The following IL7 variants were observed in gnomAD, a reference collection of about 807,000 sequenced individuals.
IL7 encodes interleukin 7, also known as interleukin-7.
IL7 carries 3 observed loss-of-function variants against 21.6 expected under a neutral mutation model. That is an observed-to-expected ratio of 0.14 (90% CI 0.06 to 0.36). IL7 has a LOEUF of 0.36. Among genes scored for constraint, IL7 ranks in the 10% least tolerant of loss-of-function variants. IL7 has a pLI of 1.00. For synonymous variants in IL7, 62 were observed against 68.1 expected, an observed-to-expected ratio of 0.91 and a Z score of 0.44; for missense variants, 175 against 200.2, an observed-to-expected ratio of 0.87 and a Z score of 0.76.
chr8:78,731,917 A>G (rs1463526370), downstream of IL7, among the ~76,000 whole-genome samples: 1 of 152,124 alleles, frequency 6.6e-6, no homozygotes, highest in Non-Finnish European at 1.5e-5. Flanking sequence ...ATTGACCCTT[A>G]TTTTACCATA....
chr8:78,764,866 G>T (rs1032210681), intron 2 of IL7, among the ~76,000 whole-genome samples: 5 of 152,036 alleles, frequency 3.3e-5, no homozygotes, highest in African/African-American at 1.2e-4. Flanking sequence ...AGACCCAGGA[G>T]AGTAAATTCA....
chr8:78,719,232 G>C (rs1811191566), intron 5 of IL7: 1 of 77,200 alleles, frequency 1.3e-5, no homozygotes, highest in African/African-American at 3.5e-5. Context: ...TTTTTGTCAA[G>C]TATTTTTTTA....
chr8:78,795,200 G>T (rs1032069164), intron 2 of IL7, among the ~76,000 whole-genome samples: 1 of 152,064 alleles, frequency 6.6e-6, no homozygotes, highest in Non-Finnish European at 1.5e-5. Context: ...ATAACTATTA[G>T]TATTATGGTC....
At position 78,704,210 on chromosome 8, in the gene IL7, T is replaced by A. The variant is rs575054750; in HGVS notation, n.214+17138A>T. Among the ~76,000 whole-genome samples, 4 of 151,866 alleles carry A rather than the reference T, an allele frequency of 2.6e-5. No homozygotes were observed. In the South Asian group the frequency reaches 8.3e-4, roughly 32 times the overall value. ...CAGCCTGACCAATGTGGTGAAAGCCTGTCTCTATTTAAAAAAAAAATACAA... is the reference window on the plus strand; with the variant it reads ...CAGCCTGACCAATGTGGTGAAAGCCAGTCTCTATTTAAAAAAAAAATACAA... On this transcript the variant is annotated intron_variant and non_coding_transcript_variant, in intron 3 of 4. Coordinates refer to the IL7 transcript ENST00000523959.
chr8:78,777,618 A>G (rs1813174552), intron 2 of IL7, among the ~76,000 whole-genome samples: 1 of 152,022 alleles, frequency 6.6e-6, no homozygotes, highest in African/African-American at 2.4e-5. Context: ...TTGTATTTTC[A>G]TGTAATAAAA....
intron 1 of IL7, among the ~76,000 whole-genome samples, chr8:78,801,693 A>AT (rs1201858847): frequency 2.0e-5 from 3 of 152,190 alleles, no homozygotes; most frequent in Admixed American, 1.3e-4. Flanking sequence ...TTCAGACTAA[A>AT]TGATCTTTTT....
chr8:78,713,184 G>T (rs1332511642), downstream of IL7, among the ~76,000 whole-genome samples: 1 of 152,092 alleles, frequency 6.6e-6, no homozygotes, highest in Non-Finnish European at 1.5e-5. Context: ...CAGAGTAAGA[G>T]TAATGCTTTG....
chr8:78,692,808 T>C (rs1011786110), intron 3 of IL7, among the ~76,000 whole-genome samples: 7 of 152,134 alleles, frequency 4.6e-5, no homozygotes, highest in Admixed American at 3.9e-4. Flanking sequence ...CGTGTACATA[T>C]GCCATGTTGG....
At chr8:78,804,318 C>A (rs758603106) in intron 1 of IL7, among the ~76,000 whole-genome samples, 44 of 152,208 alleles carry the variant, frequency 2.9e-4, no homozygotes, top group Non-Finnish European at 5.7e-4. Flanking sequence ...GCTGGCCTTC[C>A]TCAGCGCCAG....
At chr8:78,705,903 G>A (rs190785849) in intron 3 of IL7, among the ~76,000 whole-genome samples, 4 of 152,020 alleles carry the variant, frequency 2.6e-5, no homozygotes, top group African/African-American at 7.2e-5. Context: ...TACCACTTTC[G>A]TCCCAGTTGG....
At chr8:78,763,782 A>C (rs1812657980) in intron 2 of IL7, among the ~76,000 whole-genome samples, 1 of 152,212 alleles carries the variant, frequency 6.6e-6, no homozygotes, top group South Asian at 2.1e-4. Context: ...ACTATCTGAC[A>C]GTGTGTGTAA....
chr8:78,804,849 GC>G (rs1814256832), intron 1 of IL7, 63 bp downstream of exon 1: 1 of 1,601,252 alleles, frequency 6.2e-7, no homozygotes, highest in African/African-American at 1.3e-5. Flanking sequence ...GGCCCCCAGC[GC>G]GTCTGGGATT....
intron 3 of IL7, among the ~76,000 whole-genome samples, chr8:78,693,685 C>G (rs1810297845): frequency 6.6e-6 from 1 of 152,096 alleles, no homozygotes. Context: ...TGTAGGTTGC[C>G]TGTTCGCTCT....
intron 2 of IL7, among the ~76,000 whole-genome samples, chr8:78,775,615 A>C (rs1449986588): frequency 1.3e-5 from 2 of 152,130 alleles, no homozygotes; most frequent in Admixed American, 1.3e-4. Context: ...CAAAGGGGCA[A>C]AGTGGGGACT....
chr8:78,757,549 T>C (rs1369967138), intron 2 of IL7, among the ~76,000 whole-genome samples: 1 of 152,102 alleles, frequency 6.6e-6, no homozygotes, highest in Non-Finnish European at 1.5e-5. Flanking sequence ...TAATATTTGC[T>C]TTATATATCT....
At chr8:78,774,822 CT>C (rs1388536035) in intron 2 of IL7, among the ~76,000 whole-genome samples, 1 of 151,982 alleles carries the variant, frequency 6.6e-6, no homozygotes, top group African/African-American at 2.4e-5. Context: ...GTCCTCAGTG[CT>C]TTTTTATGCA....
intron 3 of IL7, among the ~76,000 whole-genome samples, chr8:78,706,444 C>G (rs1270953889): frequency 6.6e-6 from 1 of 152,146 alleles, no homozygotes; most frequent in Non-Finnish European, 1.5e-5. Context: ...ACTGAAGGCT[C>G]TAGTGGAGTG....
chr8:78,765,731 G>T (rs1210128268), intron 2 of IL7, among the ~76,000 whole-genome samples: 1 of 152,100 alleles, frequency 6.6e-6, no homozygotes, highest in African/African-American at 2.4e-5. Flanking sequence ...CATTGCTGAT[G>T]GGAAGGTAAA....
chr8:78,694,299 T>C (rs63499361), intron 3 of IL7, among the ~76,000 whole-genome samples: 23 of 141,928 alleles, frequency 1.6e-4, no homozygotes, highest in Admixed American at 3.5e-4. Context: ...TTTTTTTTTT[T>C]CTCATTCAGT....
Sources: gnomAD v4.1 joint callset for allele counts (sites outside exome capture counted in the v4.1 genomes callset) on GRCh38, gnomAD v4.1.1 for gene constraint, MANE v1.5 for transcripts, NCBI Gene and HGNC (gene_info 2026-07-23, HGNC 2026-07-21) for gene names.